FAF1: variants seen among roughly 807,000 people sequenced by gnomAD.
FAF1 encodes FAS-associated factor 1.
Under a neutral mutation model 92.5 loss-of-function variants are expected in FAF1, and 25 were observed. The observed-to-expected ratio is 0.27, with a 90% CI of 0.20 to 0.38. The LOEUF is 0.38. Ranked by LOEUF, FAF1 falls within the 10% of genes least tolerant of loss-of-function variation. The probability of loss-of-function intolerance (pLI) is 1.00; values close to 1 mark genes in which losing one functional copy is unlikely to be tolerated. For missense variants in FAF1, 636 were observed against 793.3 expected (o/e 0.80, Z 2.38); for synonymous variants, 234 against 273.2 (o/e 0.86, Z 1.42).
intron 1 of FAF1, among the ~76,000 whole-genome samples, chr1:50,947,081 T>C (rs1645177276): frequency 6.6e-6 from 1 of 152,348 alleles, no homozygotes; most frequent in South Asian, 2.1e-4. Context: ...GCACAGTACC[T>C]GACATATACA....
intron 1 of FAF1, among the ~76,000 whole-genome samples, chr1:50,875,476 A>G (rs1644563156): frequency 1.3e-5 from 2 of 151,936 alleles, no homozygotes; most frequent in African/African-American, 4.8e-5. Flanking sequence ...TTTCTGAGAC[A>G]GGGTCTTACT....
chr1:50,658,779 A>G (rs1249961466), intron 7 of FAF1, among the ~76,000 whole-genome samples: 1 of 152,258 alleles, frequency 6.6e-6, no homozygotes, highest in Non-Finnish European at 1.5e-5. Flanking sequence ...GATTGTTCCA[A>G]TGCAAAGGCT....
chr1:50,810,824 G>GT (rs1462959132), intron 2 of FAF1, among the ~76,000 whole-genome samples: 1 of 152,192 alleles, frequency 6.6e-6, no homozygotes, highest in Non-Finnish European at 1.5e-5. Flanking sequence ...CGAGATGGGT[G>GT]TATCACTTGA....
chr1:50,542,303 C>A (rs1187459386), intron 13 of FAF1, among the ~76,000 whole-genome samples: 2 of 152,130 alleles, frequency 1.3e-5, no homozygotes, highest in African/African-American at 4.8e-5. Flanking sequence ...TCAATTCATT[C>A]CATTATAATT....
intron 6 of FAF1, among the ~76,000 whole-genome samples, chr1:50,732,319 C>G (rs1048201940): frequency 9.9e-5 from 15 of 152,106 alleles, no homozygotes; most frequent in African/African-American, 3.1e-4. Context: ...TCGTGATCTG[C>G]CCACCTTGGC....
chr1:50,516,722 C>T (rs990707549), intron 15 of FAF1, among the ~76,000 whole-genome samples: 1 of 152,172 alleles, frequency 6.6e-6, no homozygotes, highest in South Asian at 2.1e-4. Flanking sequence ...AAAGTGAAAT[C>T]CTGTAGTTCA....
chr1:50,544,389 A>C (rs2149042769), intron 13 of FAF1, among the ~76,000 whole-genome samples: 1 of 152,296 alleles, frequency 6.6e-6, no homozygotes, highest in East Asian at 1.9e-4. Flanking sequence ...GTGATTCAAT[A>C]GATTTGAGTC....
At chr1:50,913,835 G>C in intron 1 of FAF1, among the ~76,000 whole-genome samples, 1 of 152,128 alleles carries the variant, frequency 6.6e-6, no homozygotes, top group African/African-American at 2.4e-5. Context: ...ACTTACTATG[G>C]CCTGAGTAAA....
intron 15 of FAF1, among the ~76,000 whole-genome samples, chr1:50,495,406 T>A (rs1646886764): frequency 6.6e-6 from 1 of 152,240 alleles, no homozygotes; most frequent in South Asian, 2.1e-4. Flanking sequence ...CATAATGGCC[T>A]CCAATTCCAT....
chr1:50,908,258 C>A (rs565814809), intron 1 of FAF1, among the ~76,000 whole-genome samples: 2 of 152,138 alleles, frequency 1.3e-5, no homozygotes, highest in African/African-American at 4.8e-5. Context: ...AATTTCTGTT[C>A]TTTTACATTT....
chr1:50,458,383 C>T (rs1479645090), intron 18 of FAF1, among the ~76,000 whole-genome samples: 1 of 152,152 alleles, frequency 6.6e-6, no homozygotes, highest in Non-Finnish European at 1.5e-5. Flanking sequence ...ACTCTTTGAG[C>T]TTCAGTGTTC....
chr1:50,816,496 G>A (rs138755621), intron 2 of FAF1, among the ~76,000 whole-genome samples: 1 of 150,848 alleles, frequency 6.6e-6, no homozygotes, highest in Non-Finnish European at 1.5e-5. Context: ...GAGCCACCAC[G>A]CCTGGCTTTT....
Position 50,900,535 on chromosome 1 carries a change from A to G in FAF1, c.46-42538T>C, listed in dbSNP as rs112620393. Among the ~76,000 whole-genome samples, 978 of 152,280 alleles carry G rather than the reference A, an allele frequency of 6.4e-3. 7 individuals carry two copies. Among genetic ancestry groups the G allele is most frequent in the Non-Finnish European group, 0.01 (696 of 68,014 alleles). On this transcript the variant is annotated intron_variant, in intron 1 of 18. Transcript: ENST00000396153. Reference sequence around the variant, plus strand: ...TGGAGTCAGACCAGTCTGACTCCAAATTCACACACTTTGAATTCACAAACT... The same window carrying G: ...TGGAGTCAGACCAGTCTGACTCCAAGTTCACACACTTTGAATTCACAAACT...
chr1:50,609,047 G>A (rs1652571473), intron 8 of FAF1, among the ~76,000 whole-genome samples: 1 of 152,180 alleles, frequency 6.6e-6, no homozygotes, highest in Non-Finnish European at 1.5e-5. Context: ...TATAAGTAGA[G>A]TGCAAAATAC....
intron 8 of FAF1, among the ~76,000 whole-genome samples, chr1:50,635,375 G>A (rs1459491693): frequency 6.6e-6 from 1 of 152,096 alleles, no homozygotes; most frequent in Non-Finnish European, 1.5e-5. Flanking sequence ...GAAATGCAAA[G>A]AATCTAAATT....
At chr1:50,761,473 C>T (rs1286163225) in intron 4 of FAF1, among the ~76,000 whole-genome samples, 2 of 152,094 alleles carry the variant, frequency 1.3e-5, no homozygotes, top group Non-Finnish European at 2.9e-5. Flanking sequence ...AGCAGCACAT[C>T]AAAAAGCTTA....
chr1:50,510,575 G>T (rs983931063), intron 15 of FAF1, among the ~76,000 whole-genome samples: 4 of 152,112 alleles, frequency 2.6e-5, no homozygotes, highest in African/African-American at 7.2e-5. Flanking sequence ...GTCCCTATGT[G>T]TCAGGGCTCT....
intron 8 of FAF1, among the ~76,000 whole-genome samples, chr1:50,653,753 C>T (rs910243604): frequency 3.3e-5 from 5 of 152,088 alleles, no homozygotes; most frequent in Admixed American, 6.5e-5. Flanking sequence ...ATAATCCCAG[C>T]TACTTGGGAG....
intron 13 of FAF1, among the ~76,000 whole-genome samples, chr1:50,543,269 T>C (rs1250046601): frequency 6.6e-6 from 1 of 152,158 alleles, no homozygotes; most frequent in Non-Finnish European, 1.5e-5. Flanking sequence ...ATAAAATATA[T>C]ATTAAATGGA....
Sources: gnomAD v4.1 joint callset for allele counts (sites outside exome capture counted in the v4.1 genomes callset) on GRCh38, gnomAD v4.1.1 for gene constraint, MANE v1.5 for transcripts, NCBI Gene and HGNC (gene_info 2026-07-23, HGNC 2026-07-21) for gene names.